Variants in NRXN1 observed in about 807,000 individuals in gnomAD.
NRXN1 encodes neurexin 1.
In NRXN1, 39 loss-of-function variants were observed where a neutral mutation model predicts 150.9. The observed-to-expected ratio is 0.26, with a 90% CI of 0.20 to 0.34. NRXN1 has a LOEUF of 0.34. Among genes scored for constraint, NRXN1 ranks in the 10% least tolerant of loss-of-function variants. The pLI, the probability that NRXN1 is intolerant of heterozygous loss-of-function variation, is 1.00. For missense variants in NRXN1, 1,815 were observed against 1,949.9 expected (o/e 0.93, Z 1.30); for synonymous variants, 924 against 757.0 (o/e 1.22, Z -3.62).
At chr2:50,939,119 G>A (rs1202794449) in intron 2 of NRXN1, among the ~76,000 whole-genome samples, 1 of 149,156 alleles carries the variant, frequency 6.7e-6, no homozygotes, top group East Asian at 2.0e-4. Flanking sequence ...GCTGAGGCAG[G>A]AGAATGGCAT....
rs1000325291 is a variant in NRXN1 at position 50,327,403 on chromosome 2, G to C, written c.3365-90433C>G. Among the ~76,000 whole-genome samples, 5 of 152,174 alleles carry C rather than the reference G, an allele frequency of 3.3e-5. No homozygotes were observed. In the East Asian group the frequency reaches 7.7e-4, roughly 23 times the overall value. ...GAGAACTGTGACTAAGACGTAGCTT[G>C]AGAGTCACTTCCTAGAATTACAGAA... On this transcript the variant is annotated intron_variant, in intron 17 of 22. Transcript: ENST00000401669.
At chr2:50,861,612 T>C (rs558524880) in intron 5 of NRXN1, among the ~76,000 whole-genome samples, 6 of 152,220 alleles carry the variant, frequency 3.9e-5, no homozygotes, top group Non-Finnish European at 8.8e-5. Context: ...TCCATGGTCC[T>C]GGTTCCCACA....
At chr2:50,372,117 T>A (rs1020883500) in intron 17 of NRXN1, among the ~76,000 whole-genome samples, 2 of 152,100 alleles carry the variant, frequency 1.3e-5, no homozygotes, top group African/African-American at 2.4e-5. Flanking sequence ...TCTTCGGTCA[T>A]AAGAGCCAAG....
chr2:50,277,743 C>T (rs942080306), intron 17 of NRXN1, among the ~76,000 whole-genome samples: 3 of 152,044 alleles, frequency 2.0e-5, no homozygotes, highest in African/African-American at 4.8e-5. Context: ...ATTCACAGTG[C>T]TTTGTGTCTG....
intron 12 of NRXN1, among the ~76,000 whole-genome samples, chr2:50,514,577 C>G (rs765123116): frequency 2.6e-5 from 4 of 152,294 alleles, no homozygotes; most frequent in East Asian, 1.9e-4. Flanking sequence ...AAGGGCCAGA[C>G]AGTAAATTTA....
chr2:50,755,108 T>C (rs1053976416), intron 5 of NRXN1, among the ~76,000 whole-genome samples: 1 of 151,852 alleles, frequency 6.6e-6, no homozygotes, highest in East Asian at 2.0e-4. Context: ...GATCTGCCTA[T>C]TCTCCTGGCT....
intron 2 of NRXN1, among the ~76,000 whole-genome samples, chr2:50,952,087 C>A (rs1280670113): frequency 6.7e-6 from 1 of 149,404 alleles, no homozygotes; most frequent in East Asian, 2.0e-4. Context: ...CTGCCTCAGC[C>A]TCCCAAGTAG....
rs369742798 is a variant in NRXN1, at chr2:50,281,209, C to G, written c.3365-44239G>C. Among the ~76,000 whole-genome samples the G allele has an allele frequency of 7.1e-3, 1,068 of 151,022 alleles. 19 individuals carry two copies. Among genetic ancestry groups the G allele is most frequent in the African/African-American group, 0.024 (997 of 41,144 alleles). On this transcript the variant is annotated intron_variant, in intron 17 of 22. Transcript: ENST00000401669. ...GGCGGCGCCTGTGGTCCCAGCTACTCGGGAGGCTGAGGCAGGAGAATGGCA... is the reference window on the plus strand; with the variant it reads ...GGCGGCGCCTGTGGTCCCAGCTACTGGGGAGGCTGAGGCAGGAGAATGGCA...
At chr2:50,563,435 A>C (rs2105408555) in intron 8 of NRXN1, among the ~76,000 whole-genome samples, 1 of 152,358 alleles carries the variant, frequency 6.6e-6, no homozygotes, top group East Asian at 1.9e-4. Flanking sequence ...AAGTGCGCTA[A>C]TTCTATTCCA....
At chr2:50,604,902 C>A (rs36045654) in intron 8 of NRXN1, among the ~76,000 whole-genome samples, 1 of 152,012 alleles carries the variant, frequency 6.6e-6, no homozygotes, top group Non-Finnish European at 1.5e-5. Context: ...TTTTTCAACC[C>A]AAATCCTCAT....
At chr2:51,001,211 G>C (rs980993553) in intron 2 of NRXN1, among the ~76,000 whole-genome samples, 3 of 124,572 alleles carry the variant, frequency 2.4e-5, no homozygotes, top group Admixed American at 9.5e-5. Flanking sequence ...AACCACATAC[G>C]TACAATGGTA....
intron 5 of NRXN1, among the ~76,000 whole-genome samples, chr2:50,627,034 CA>C (rs930427131): frequency 1.3e-5 from 2 of 151,792 alleles, no homozygotes; most frequent in African/African-American, 2.4e-5. Context: ...AAACTACATT[CA>C]GATACCATTT....
chr2:50,276,648 G>A (rs2152927701), intron 17 of NRXN1, among the ~76,000 whole-genome samples: 1 of 152,280 alleles, frequency 6.6e-6, no homozygotes, highest in South Asian at 2.1e-4. Context: ...TGACCAAGGT[G>A]TTATACTTAT....
intron 18 of NRXN1, among the ~76,000 whole-genome samples, chr2:50,212,323 G>T (rs548971875): frequency 6.8e-6 from 1 of 147,920 alleles, no homozygotes; most frequent in African/African-American, 2.5e-5. Context: ...AAATGGGTTT[G>T]CCTAGAAAAG....
intron 12 of NRXN1, among the ~76,000 whole-genome samples, chr2:50,508,274 C>T (rs540199513): frequency 6.6e-6 from 1 of 152,070 alleles, no homozygotes; most frequent in South Asian, 2.1e-4. Flanking sequence ...AATTAAATTA[C>T]AACTCCAGAT....
At chr2:50,476,953 G>C (rs1322493812) in intron 15 of NRXN1, among the ~76,000 whole-genome samples, 1 of 152,146 alleles carries the variant, frequency 6.6e-6, no homozygotes, top group East Asian at 1.9e-4. Flanking sequence ...ACATGCCTTA[G>C]AAAATCAGAG....
At chr2:50,533,113 G>A (rs1195056705) in intron 10 of NRXN1, among the ~76,000 whole-genome samples, 1 of 152,046 alleles carries the variant, frequency 6.6e-6, no homozygotes, top group East Asian at 1.9e-4. Flanking sequence ...TGTCATGATG[G>A]GATTAAGTGA....
At chr2:49,944,915 G>A (rs574485088) in intron 21 of NRXN1, among the ~76,000 whole-genome samples, 20 of 152,160 alleles carry the variant, frequency 1.3e-4, no homozygotes, top group African/African-American at 4.1e-4. Flanking sequence ...AATATTAAAG[G>A]AGCACCTAAT....
chr2:50,530,092 T>C (rs1246015376), intron 11 of NRXN1, among the ~76,000 whole-genome samples: 2 of 152,194 alleles, frequency 1.3e-5, no homozygotes, highest in South Asian at 2.1e-4. Context: ...CCTCTCTGTT[T>C]ATTCATTTCT....
Sources: gnomAD v4.1 joint callset for allele counts (sites outside exome capture counted in the v4.1 genomes callset) on GRCh38, gnomAD v4.1.1 for gene constraint, MANE v1.5 for transcripts, NCBI Gene and HGNC (gene_info 2026-07-23, HGNC 2026-07-21) for gene names.